Variants in LRIG1 observed in about 807,000 individuals in gnomAD.
The protein encoded by LRIG1 is leucine-rich repeats and immunoglobulin-like domains protein 1.
Under a neutral mutation model 99.2 loss-of-function variants are expected in LRIG1, and 48 were observed. That is an observed-to-expected ratio of 0.48 (90% CI 0.38 to 0.62). LRIG1 has a LOEUF of 0.62. LRIG1 is among the 20% of genes least tolerant of loss of function. The pLI is 0.00. For missense variants in LRIG1, 1,646 were observed against 1,434.4 expected, an observed-to-expected ratio of 1.15 and a Z score of -2.38; for synonymous variants, 772 against 596.1, an observed-to-expected ratio of 1.29 and a Z score of -4.30.
At chr3:66,402,986 G>C (rs1258193909) in intron 9 of LRIG1, among the ~76,000 whole-genome samples, 1 of 152,158 alleles carries the variant, frequency 6.6e-6, no homozygotes, top group African/African-American at 2.4e-5. Flanking sequence ...AAACACAGCA[G>C]TTTTTACATA....
At chr3:66,447,399 T>G (rs1477455907) in intron 3 of LRIG1, among the ~76,000 whole-genome samples, 1 of 152,106 alleles carries the variant, frequency 6.6e-6, no homozygotes, top group Non-Finnish European at 1.5e-5. Context: ...AAAAAAATAG[T>G]TTTCAAAAAC....
intron 1 of LRIG1, among the ~76,000 whole-genome samples, chr3:66,480,244 T>C (rs1325404114): frequency 6.6e-6 from 1 of 152,158 alleles, no homozygotes; most frequent in East Asian, 1.9e-4. Context: ...TTTATATGAA[T>C]TGTCCAGAAC....
intron 3 of LRIG1, among the ~76,000 whole-genome samples, chr3:66,445,178 A>C (rs1262816003): frequency 6.6e-6 from 1 of 152,024 alleles, no homozygotes; most frequent in Non-Finnish European, 1.5e-5. Flanking sequence ...TCTTAATGAG[A>C]ATTCATTTTA....
chr3:66,441,327 C>CG (rs1559801055), intron 3 of LRIG1, among the ~76,000 whole-genome samples: 2 of 152,154 alleles, frequency 1.3e-5, no homozygotes, highest in Admixed American at 1.3e-4. Flanking sequence ...GTGATGTCTT[C>CG]GGGGGCAGAT....
Position 66,500,677 on chromosome 3 carries a change from C to T in LRIG1, c.-270G>A. 1.1e-5 allele frequency: 3 copies of T among 267,776 alleles called. No individual in the cohort carries two copies. Among genetic ancestry groups the T allele is most frequent in the Non-Finnish European group, 2.1e-5 (3 of 143,188 alleles). 16.6% of individuals were successfully genotyped at this position (267,776 alleles called of 1,614,324 possible). On this transcript the variant is annotated 5_prime_UTR_variant, in exon 1 of 19. Transcript: ENST00000273261. ...GCGCTAGCTGCGAACTCCGCCGATTCGGGCAAGGTGTACCCAGCCTGCGCT... is the reference window on the plus strand; with the variant it reads ...GCGCTAGCTGCGAACTCCGCCGATTTGGGCAAGGTGTACCCAGCCTGCGCT...
chr3:66,436,681 G>T (rs1703370427), intron 3 of LRIG1, among the ~76,000 whole-genome samples: 1 of 152,118 alleles, frequency 6.6e-6, no homozygotes, highest in Admixed American at 6.5e-5. Context: ...GAGGAGGGGG[G>T]AATATATGCC....
chr3:66,443,978 G>A (rs756213543), intron 3 of LRIG1, among the ~76,000 whole-genome samples: 1 of 152,210 alleles, frequency 6.6e-6, no homozygotes, highest in Non-Finnish European at 1.5e-5. Flanking sequence ...GGGAAAAAAT[G>A]CCCACCTTTC....
intron 2 of LRIG1, among the ~76,000 whole-genome samples, chr3:66,453,097 T>C (rs1289043404): frequency 1.3e-5 from 2 of 152,302 alleles, no homozygotes; most frequent in Middle Eastern, 6.8e-3. Flanking sequence ...AACTCCCCAT[T>C]AGTCTTAATC....
At chr3:66,478,867 C>A (rs1226949246) in intron 1 of LRIG1, among the ~76,000 whole-genome samples, 2 of 152,268 alleles carry the variant, frequency 1.3e-5, no homozygotes, top group South Asian at 2.1e-4. Context: ...CCCTCTACCC[C>A]CAGAGGCCTG....
At chr3:66,442,619 A>C (rs539806367) in intron 3 of LRIG1, among the ~76,000 whole-genome samples, 43 of 152,266 alleles carry the variant, frequency 2.8e-4, no homozygotes, top group African/African-American at 7.7e-4. Flanking sequence ...CTGCTGGAAG[A>C]AGCAGCACTT....
At chr3:66,388,526 A>G (rs529196404) in intron 12 of LRIG1, among the ~76,000 whole-genome samples, 15 of 152,348 alleles carry the variant, frequency 9.8e-5, no homozygotes, top group African/African-American at 2.2e-4. Flanking sequence ...CTCCAAGTAG[A>G]GTAAATTCAA....
chr3:66,493,867 G>A (rs1252448063), intron 1 of LRIG1, among the ~76,000 whole-genome samples: 9 of 114,354 alleles, frequency 7.9e-5, no homozygotes, highest in African/African-American at 2.9e-4. Flanking sequence ...AAGAAAGGAA[G>A]AAAGACGAAG....
intron 1 of LRIG1, among the ~76,000 whole-genome samples, chr3:66,483,808 T>A (rs772928990): frequency 6.6e-6 from 1 of 150,512 alleles, no homozygotes; most frequent in Non-Finnish European, 1.5e-5. Flanking sequence ...CACCGCGGGC[T>A]CCCTCGCCAA....
chr3:66,428,041 C>G (rs116526357), intron 3 of LRIG1, among the ~76,000 whole-genome samples: 1 of 152,124 alleles, frequency 6.6e-6, no homozygotes, highest in Non-Finnish European at 1.5e-5. Flanking sequence ...CTATTGTTGA[C>G]GGACATTGAG....
intron 15 of LRIG1, among the ~76,000 whole-genome samples, chr3:66,382,611 C>G (rs1701143858): frequency 7.1e-6 from 1 of 141,614 alleles, no homozygotes; most frequent in Non-Finnish European, 1.5e-5. Context: ...CAGCAGATGC[C>G]AGACGCCACA....
chr3:66,441,518 A>G (rs2106778154), intron 3 of LRIG1, among the ~76,000 whole-genome samples: 1 of 152,350 alleles, frequency 6.6e-6, no homozygotes, highest in South Asian at 2.1e-4. Context: ...GTTACTTCGC[A>G]TCAGTGAAAG....
At chr3:66,411,822 G>A (rs1368305434) in intron 6 of LRIG1, among the ~76,000 whole-genome samples, 1 of 152,086 alleles carries the variant, frequency 6.6e-6, no homozygotes, top group Non-Finnish European at 1.5e-5. Flanking sequence ...AGTGGTGTCA[G>A]TCTATCAACT....
At chr3:66,415,669 C>T (rs983586294) in intron 4 of LRIG1, among the ~76,000 whole-genome samples, 7 of 152,184 alleles carry the variant, frequency 4.6e-5, no homozygotes, top group Admixed American at 6.5e-5. Context: ...ACACTTACAG[C>T]GTGATTAAGT....
intron 1 of LRIG1, among the ~76,000 whole-genome samples, chr3:66,471,805 C>G (rs1700601869): frequency 6.6e-6 from 1 of 152,160 alleles, no homozygotes; most frequent in South Asian, 2.1e-4. Context: ...TTTGGAATCC[C>G]AGGTTCACCA....
Sources: gnomAD v4.1 joint callset for allele counts (sites outside exome capture counted in the v4.1 genomes callset) on GRCh38, gnomAD v4.1.1 for gene constraint, MANE v1.5 for transcripts, NCBI Gene and HGNC (gene_info 2026-07-23, HGNC 2026-07-21) for gene names.